The following ACTL6A variants were observed in gnomAD, a reference collection of about 807,000 sequenced individuals.
ACTL6A encodes actin-like protein 6A.
In ACTL6A, 5 loss-of-function variants were observed where a neutral mutation model predicts 59.2. The observed-to-expected ratio is 0.08, with a 90% CI of 0.04 to 0.18. ACTL6A has a LOEUF of 0.18. Among genes scored for constraint, ACTL6A ranks in the 10% least tolerant of loss-of-function variants. The pLI is 1.00. For synonymous variants in ACTL6A, 154 were observed against 171.8 expected, an observed-to-expected ratio of 0.90 and a Z score of 0.81; for missense variants, 285 against 526.9, an observed-to-expected ratio of 0.54 and a Z score of 4.49.
intron 8 of ACTL6A, among the ~76,000 whole-genome samples, chr3:179,579,455 T>TATATACAC (rs1553778005): frequency 2.1e-5 from 3 of 145,148 alleles, no homozygotes; most frequent in East Asian, 2.1e-4. Context: ...TTATATCATA[T>TATATACAC]ACACACACAC....
chr3:179,578,057 C>T (rs949046704), intron 8 of ACTL6A, among the ~76,000 whole-genome samples: 3 of 152,178 alleles, frequency 2.0e-5, no homozygotes, highest in East Asian at 1.9e-4. Flanking sequence ...TGGTGGCTCA[C>T]GCCTGTAATT....
intron 8 of ACTL6A, among the ~76,000 whole-genome samples, chr3:179,578,054 T>G (rs1166021986): frequency 6.6e-6 from 1 of 152,222 alleles, no homozygotes. Flanking sequence ...GCATGGTGGC[T>G]CACGCCTGTA....
At chr3:179,567,680 T>C (rs903392618) in intron 1 of ACTL6A, among the ~76,000 whole-genome samples, 1 of 152,204 alleles carries the variant, frequency 6.6e-6, no homozygotes, top group Non-Finnish European at 1.5e-5. Context: ...TATTCATTGC[T>C]ATACTTACGA....
intron 13 of ACTL6A, among the ~76,000 whole-genome samples, chr3:179,586,874 A>C (rs1718511057): frequency 1.3e-5 from 2 of 152,158 alleles, no homozygotes; most frequent in South Asian, 4.1e-4. Flanking sequence ...GAAATATGTT[A>C]ATGTATGCAT....
rs939221385 is a variant in ACTL6A, at chr3:179,576,565, G to A, written c.572-55G>A. The A allele has an allele frequency of 9.4e-6, 13 of 1,380,422 alleles. No individual in the cohort carries two copies. In the East Asian group the frequency reaches 1.1e-4, roughly 12 times the overall value. 85.5% of individuals were successfully genotyped at this position (1,380,422 alleles called of 1,614,324 possible). On this transcript the variant is annotated intron_variant, in intron 6 of 13. Transcript: ENST00000429709. Reference sequence around the variant, plus strand: ...ATAAATACACCCACAGAGGAAATTCGTTCAAGGAAGTTTGGACTTACTGCC... The same window carrying A: ...ATAAATACACCCACAGAGGAAATTCATTCAAGGAAGTTTGGACTTACTGCC...
chr3:179,563,322 G>GT (rs1717726032), intron 1 of ACTL6A, among the ~76,000 whole-genome samples: 1 of 152,048 alleles, frequency 6.6e-6, no homozygotes, highest in African/African-American at 2.4e-5. Context: ...CTGAAGTGGC[G>GT]GCTCTCTGTG....
At chr3:179,565,373 C>T (rs1717801992) in intron 1 of ACTL6A, among the ~76,000 whole-genome samples, 1 of 149,268 alleles carries the variant, frequency 6.7e-6, no homozygotes, top group African/African-American at 2.5e-5. Context: ...GAACTGCACT[C>T]CAGCCTGGGT....
chr3:179,582,666 T>C (rs1718371360), intron 11 of ACTL6A, among the ~76,000 whole-genome samples: 1 of 152,150 alleles, frequency 6.6e-6, no homozygotes, highest in Admixed American at 6.5e-5. Context: ...TGGTTGCAAT[T>C]AATATTTCCA....
intron 13 of ACTL6A, among the ~76,000 whole-genome samples, chr3:179,587,172 T>C (rs759744297): frequency 1.3e-5 from 2 of 152,074 alleles, no homozygotes; most frequent in African/African-American, 4.8e-5. Flanking sequence ...TATATACTTA[T>C]ATCTATACTG....
rs578028410 is a variant in ACTL6A, at chr3:179,585,188, C to T, written c.1123-1358C>T. Among the ~76,000 whole-genome samples, 10 of 152,234 alleles carry T rather than the reference C, an allele frequency of 6.6e-5. No individual in the cohort carries two copies. In the South Asian group the frequency reaches 1.7e-3, roughly 25 times the overall value. The stretch of plus-strand genomic sequence containing the variant: ...CACGATATCAGCTCACTGTAACCTC[C>T]GCCTCCTGGGTTCAAGTGATTCTCC... On this transcript the variant is annotated intron_variant, in intron 12 of 13. Transcript: ENST00000429709.
At chr3:179,574,698 T>C (rs1718114051) in intron 5 of ACTL6A, 2 of 365,174 alleles carry the variant, frequency 5.5e-6, no homozygotes, top group Non-Finnish European at 9.9e-6. Context: ...TAAGACGTTT[T>C]TGTTTTTGTT....
In ACTL6A at chr3:179,573,472, G is replaced by A. The variant is rs913213806; in HGVS notation, c.378+3G>A. 3 of 1,526,060 alleles carry A rather than the reference G, an allele frequency of 2.0e-6. No homozygotes were observed. Among genetic ancestry groups the A allele is most frequent in the East Asian group, 2.5e-5 (1 of 40,202 alleles). The allele number at this position is 1,526,060 out of a possible 1,614,324, so 94.5% of individuals were successfully genotyped here. ...CTGTTCTCATGTCAGAGGCACCGGT[G>A]AGATAAAGATTTTCTTTTTCACGTT... On this transcript the variant is annotated splice_donor_region_variant and intron_variant, in intron 4 of 13. Transcript: ENST00000429709.
At chr3:179,575,971 C>T (rs55837066) in intron 5 of ACTL6A, among the ~76,000 whole-genome samples, 13,789 of 152,166 alleles carry the variant, frequency 0.091, 667 homozygotes, top group South Asian at 0.17. Flanking sequence ...AGTAGCTGTT[C>T]CTAGGATAAA....
intron 4 of ACTL6A, among the ~76,000 whole-genome samples, chr3:179,574,165 T>A (rs1209558412): frequency 6.6e-6 from 1 of 152,158 alleles, no homozygotes; most frequent in Non-Finnish European, 1.5e-5. Context: ...CTGATAGATT[T>A]ATTAAATTTA....
intron 13 of ACTL6A, among the ~76,000 whole-genome samples, chr3:179,587,693 G>A (rs558238228): frequency 6.6e-6 from 1 of 152,180 alleles, no homozygotes; most frequent in South Asian, 2.1e-4. Context: ...GGGCAACATA[G>A]TGTGAGACCC....
At chr3:179,571,204 T>C (rs1717996204) in intron 3 of ACTL6A, among the ~76,000 whole-genome samples, 1 of 152,032 alleles carries the variant, frequency 6.6e-6, no homozygotes, top group Admixed American at 6.6e-5. Context: ...GGTGGATTGC[T>C]TGAGTCTAGG....
intron 12 of ACTL6A, among the ~76,000 whole-genome samples, chr3:179,584,611 C>CAAA (rs11353729): frequency 7.2e-6 from 1 of 138,718 alleles, no homozygotes; most frequent in African/African-American, 2.7e-5. Context: ...GACTCCATCT[C>CAAA]AAAAAAAAAA....
At position 179,564,344 on chromosome 3, in the gene ACTL6A, A is replaced by G. The variant is rs1351510895; in HGVS notation, c.25+1227A>G. ...TAAGATTTTTCCTTCATGTTCCCCA[A>G]GAAAATCACATCACCCCTAAACTTG... is the stretch of plus-strand genomic sequence containing the variant. On this transcript the variant is annotated intron_variant, in intron 1 of 13. Coordinates refer to ENST00000429709, the MANE Select transcript of ACTL6A (RefSeq NM_004301.5). Among the ~76,000 whole-genome samples the G allele has an allele frequency of 7.2e-5, 11 of 152,342 alleles. No individual in the cohort carries two copies. The East Asian group carries it at 1.7e-3, about 24-fold the overall frequency.
intron 13 of ACTL6A, among the ~76,000 whole-genome samples, chr3:179,587,400 A>G (rs1718535012): frequency 6.6e-6 from 1 of 152,060 alleles, no homozygotes; most frequent in Non-Finnish European, 1.5e-5. Context: ...CTTGCCAGAT[A>G]TTTTCTAAAT....
Sources: gnomAD v4.1 joint callset for allele counts (sites outside exome capture counted in the v4.1 genomes callset) on GRCh38, gnomAD v4.1.1 for gene constraint, MANE v1.5 for transcripts, NCBI Gene and HGNC (gene_info 2026-07-23, HGNC 2026-07-21) for gene names.